Variants in NME4 observed in about 807,000 individuals in gnomAD.
NME4 encodes the protein NME/NM23 nucleoside diphosphate kinase 4.
In NME4, 21 loss-of-function variants were observed where a neutral mutation model predicts 16.4. The ratio of observed to expected loss-of-function variants is 1.28; its 90% confidence interval spans 0.91 to 1.84. NME4 has a LOEUF of 1.84. NME4 is among the 40% of genes most tolerant of loss of function. The pLI, the probability that NME4 is intolerant of heterozygous loss-of-function variation, is 0.00. For synonymous variants in NME4, 132 were observed against 107.5 expected, an observed-to-expected ratio of 1.23 and a Z score of -1.41; for missense variants, 316 against 261.3, an observed-to-expected ratio of 1.21 and a Z score of -1.44.
At position 400,677 on chromosome 16, in the gene NME4, C is replaced by T. The variant is rs957127269; in HGVS notation, c.*335C>T. On this transcript the variant is annotated 3_prime_UTR_variant, in exon 5 of 5. Coordinates refer to ENST00000219479, the MANE Select transcript of NME4 (RefSeq NM_005009.3). ...GGGTGGTACACTAATTATGACTTCCCCCAGCTCTGAGGTAGAAATGACGCC... is the reference window on the plus strand; with the variant it reads ...GGGTGGTACACTAATTATGACTTCCTCCAGCTCTGAGGTAGAAATGACGCC... 3.0e-5 allele frequency: 8 copies of T among 265,948 alleles called. No homozygotes were observed. The highest frequency in any genetic ancestry group is 1.4e-5 in the Non-Finnish European group (2 of 140,464). 16.5% of individuals were successfully genotyped at this position (265,948 alleles called of 1,614,324 possible).
At chr16:398,207 G>C (rs1234444705) in intron 1 of NME4, 2 of 1,469,218 alleles carry the variant, frequency 1.4e-6, no homozygotes, top group South Asian at 1.2e-5. Flanking sequence ...TTCCCTGGCA[G>C]CGTCCCCTCC....
At position 399,067 on chromosome 16, in the gene NME4, G is replaced by C; in HGVS notation, c.169G>C (p.Val57Leu). The change falls in exon 2 of 5, where the codon GTG becomes CTG. Residue 57 changes from valine to leucine, a missense_variant. Physicochemically the swap from Val to Leu is conservative, Grantham distance 32. Transcript: ENST00000219479. ...CGTGCAACGGCGGCTCGTTGGGGAC[G>C]TGATCCAGCGCTTTGAGAGGCGGGG... The part of the protein sequence containing the change: ...DGVQRRLVGD[V>L]IQRFERRGFT... The C allele has an allele frequency of 6.2e-7, 1 of 1,605,314 alleles. No homozygotes were observed. Among genetic ancestry groups the C allele is most frequent in the Non-Finnish European group, 8.5e-7 (1 of 1,179,132 alleles).
chr16:399,512 G>C (rs1230538841), intron 3 of NME4, 32 bp downstream of exon 3: 1 of 1,604,562 alleles, frequency 6.2e-7, no homozygotes, highest in Non-Finnish European at 8.5e-7. Context: ...GGAAGGGCCT[G>C]TGGGTAAAGG....
rs2054606150 is a variant in NME4 at position 399,104 on chromosome 16, T to C, written c.206T>C (p.Val69Ala). ...QRFERRGFTL[V>A]GMKMLQAPES... is the part of the protein sequence containing the mutation. Reference sequence around the variant, plus strand: ...TTTGAGAGGCGGGGCTTCACGCTGGTGGGGATGAAGATGCTGCAGGTAGTG... The same window carrying C: ...TTTGAGAGGCGGGGCTTCACGCTGGCGGGGATGAAGATGCTGCAGGTAGTG... Residue 69 changes from valine to alanine, a missense_variant, in exon 2 of 5, where the codon GTG (valine) becomes GCG (alanine). Transcript: ENST00000219479. 6.3e-7 allele frequency: 1 copy of C among 1,594,274 alleles called. No individual in the cohort carries two copies. Among genetic ancestry groups the C allele is most frequent in the Admixed American group, 1.7e-5 (1 of 59,426 alleles).
chr16:397,352 G>GC, intron 1 of NME4, 39 bp downstream of exon 1: 1 of 817,572 alleles, frequency 1.2e-6, no homozygotes, highest in Non-Finnish European at 1.5e-6. Context: ...ACGCGGAGGG[G>GC]AGGAAGGGGC....
In NME4 at chr16:399,177, C is replaced by A. The variant is rs1235138748; in HGVS notation, c.225+54C>A. 1.9e-5 allele frequency: 31 copies of A among 1,600,316 alleles called. No homozygotes were observed. In the East Asian group the frequency reaches 5.1e-4, roughly 27 times the overall value. On this transcript the variant is annotated intron_variant, in intron 2 of 4. Coordinates refer to ENST00000219479, the MANE Select transcript of NME4 (RefSeq NM_005009.3). ...CCTGTGGGGATGGGGTTGGGGGATC[C>A]TTCTCGGCCTTTCACATCCCAGCCA...
Position 400,385 on chromosome 16 carries a change from A to C in NME4, c.*43A>C. On this transcript the variant is annotated 3_prime_UTR_variant, in exon 5 of 5. Coordinates refer to ENST00000219479, the MANE Select transcript of NME4 (RefSeq NM_005009.3). The stretch of plus-strand genomic sequence containing the variant: ...CCACCCCATCCCCCACGCAGGACCA[A>C]CTACCTCCGTCAGCAAGAACCCAAG... 6.4e-7 allele frequency: 1 copy of C among 1,573,986 alleles called. No homozygotes were observed. The highest frequency in any genetic ancestry group is 8.5e-7 in the Non-Finnish European group (1 of 1,171,426).
intron 2 of NME4, 70 bp downstream of exon 2, chr16:399,193 A>T: frequency 6.3e-7 from 1 of 1,589,820 alleles, no homozygotes; most frequent in Non-Finnish European, 8.6e-7. Context: ...GGCCTTTCAC[A>T]TCCCAGCCAG....
At chr16:398,009 C>G (rs1296612040) in intron 1 of NME4, 1 of 1,539,092 alleles carries the variant, frequency 6.5e-7, no homozygotes, top group Admixed American at 2.0e-5. Context: ...GGGGGTCTTC[C>G]TCCCGTGGGC....
chr16:400,326 G>T lies in NME4; in HGVS notation c.548G>T (p.Ser183Ile). 6.2e-7 allele frequency: 1 copy of T among 1,603,922 alleles called. No homozygotes were observed. The highest frequency in any genetic ancestry group is 2.1e-4 in the Middle Eastern group (1 of 4,746). The change falls in exon 5 of 5, where the codon AGC (serine) becomes ATC (isoleucine). Residue 183 changes from serine (S) to isoleucine (I), a missense_variant. Ser to Ile is a moderately radical substitution (Grantham distance 142). Coordinates refer to ENST00000219479, the MANE Select transcript of NME4 (RefSeq NM_005009.3). ...VSWADGGQHS[S>I]IHPA ...TGGGCAGACGGGGGCCAGCACAGCA[G>T]CATCCACCCAGCCTGAGGCTCAAGC...
At chr16:398,718 G>A (rs2054599174) in intron 1 of NME4, 2 of 540,146 alleles carry the variant, frequency 3.7e-6, no homozygotes. Flanking sequence ...GAACCTCGGG[G>A]CGATCTCAGG....
chr16:397,496 C>T (rs991480793), intron 1 of NME4, among the ~76,000 whole-genome samples, 183 bp downstream of exon 1: 4 of 137,208 alleles, frequency 2.9e-5, no homozygotes, highest in Non-Finnish European at 4.8e-5. Flanking sequence ...CTCCAGTGCC[C>T]GTCCGGCTCT....
chr16:399,731 C>T lies in NME4; in HGVS notation c.432C>T (p.His144=), dbSNP rs879244718. The change falls in exon 4 of 5, where the codon CAC becomes CAT. Residue 144 remains histidine (H), a synonymous_variant. Transcript: ENST00000219479. ...CCATAAGGGGTGACTTCAGCGTCCA[C>T]ATCAGCAGGTACGGGGGTCCTGATA... ...PGTIRGDFSV[H]ISRNVIHASD... is the part of the protein sequence containing the mutation. 1.4e-5 allele frequency: 23 copies of T among 1,612,504 alleles called. No homozygotes were observed. In the South Asian group the frequency reaches 1.9e-4, roughly 13 times the overall value.
At chr16:398,391 G>C in intron 1 of NME4, 3 of 1,243,636 alleles carry the variant, frequency 2.4e-6, no homozygotes, top group Non-Finnish European at 3.1e-6. Context: ...ACCTGGTGGG[G>C]AAAGTGTGTT....
Position 399,138 on chromosome 16 carries a change from G to A in NME4, c.225+15G>A, listed in dbSNP as rs772166749. 2 of 1,595,948 alleles carry A rather than the reference G, an allele frequency of 1.3e-6. No individual in the cohort carries two copies. Among genetic ancestry groups the A allele is most frequent in the African/African-American group, 2.7e-5 (2 of 74,724 alleles). ...AGATGCTGCAGGTAGTGGGACTCTG[G>A]GCTTGTGGGTGTCCCTGTGGGGATG... On this transcript the variant is annotated intron_variant, in intron 2 of 4. Transcript: ENST00000219479.
chr16:398,015 T>A (rs974460379), intron 1 of NME4: 44 of 1,539,024 alleles, frequency 2.9e-5, no homozygotes, highest in Non-Finnish European at 2.7e-5. Context: ...CTTCCTCCCG[T>A]GGGCTTCAGC....
At chr16:397,869 C>CAT (rs1196562734) in intron 1 of NME4, 1 of 1,554,498 alleles carries the variant, frequency 6.4e-7, no homozygotes, top group African/African-American at 1.4e-5. Flanking sequence ...CAGGACGATC[C>CAT]ATGTCCCAGG....
rs780290430 is a variant in NME4, at chr16:400,176, G to A, written c.441-43G>A. 9.3e-6 allele frequency: 15 copies of A among 1,612,082 alleles called. No individual in the cohort carries two copies. In the South Asian group the frequency reaches 1.3e-4, roughly 14 times the overall value. ...GATGGTCCCTGGGATTCCTCAGGGT[G>A]CACATGAAGCCTGAGCCTCACATTG... On this transcript the variant is annotated intron_variant, in intron 4 of 4. Transcript: ENST00000219479.
chr16:399,938 G>A (rs377631223), intron 4 of NME4, among the ~76,000 whole-genome samples, 199 bp downstream of exon 4: 191 of 152,298 alleles, frequency 1.3e-3, no homozygotes, highest in African/African-American at 4.1e-3. Flanking sequence ...TGTGTGTACC[G>A]TGCCATCGTT....
Sources: gnomAD v4.1 joint callset for allele counts (sites outside exome capture counted in the v4.1 genomes callset) on GRCh38, gnomAD v4.1.1 for gene constraint, MANE v1.5 for transcripts, NCBI Gene and HGNC (gene_info 2026-07-23, HGNC 2026-07-21) for gene names.